The following MAP3K15 variants were observed in gnomAD, a reference collection of about 807,000 sequenced individuals.
MAP3K15 encodes the protein MAPK/ERK kinase kinase 15.
In MAP3K15, 124 loss-of-function variants were observed where a neutral mutation model predicts 99.5. The ratio of observed to expected loss-of-function variants is 1.25; its 90% CI spans 1.08 to 1.45. MAP3K15 has a LOEUF of 1.45. MAP3K15 is among the 40% of genes most tolerant of loss of function. The pLI is 0.00. For synonymous variants in MAP3K15, 494 were observed against 439.6 expected, an observed-to-expected ratio of 1.12 and a Z score of -1.55; for missense variants, 1,242 against 1,079.7, an observed-to-expected ratio of 1.15 and a Z score of -2.11.
intron 7 of MAP3K15, among the ~76,000 whole-genome samples, chrX:19,427,814 A>C (rs1432791597): frequency 9.0e-6 from 1 of 111,201 alleles, no homozygotes; most frequent in Non-Finnish European, 1.9e-5. Context: ...GTTATCATTG[A>C]AGTCAGTTAA....
chrX:19,486,528 A>G, intron 2 of MAP3K15, 23 bp from the exon 3 acceptor site: 1 of 833,579 alleles, frequency 1.2e-6, no homozygotes, highest in Non-Finnish European at 1.6e-6. Context: ...AGAAAAGATG[A>G]ATATAGCTTT....
chrX:19,465,469 G>A (rs1349754250), intron 3 of MAP3K15, among the ~76,000 whole-genome samples: 2 of 110,046 alleles, frequency 1.8e-5, no homozygotes, highest in East Asian at 2.9e-4. Context: ...ATACTGGCCA[G>A]GCGCGGTGGC....
chrX:19,392,951 G>T (rs1007561933), intron 16 of MAP3K15, among the ~76,000 whole-genome samples: 1 of 110,317 alleles, frequency 9.1e-6, no homozygotes, highest in South Asian at 3.9e-4. Context: ...CCTTTAGGGT[G>T]ACAAGGACTA....
intron 6 of MAP3K15, among the ~76,000 whole-genome samples, chrX:19,451,901 CA>C (rs745786343): frequency 2.8e-5 from 3 of 107,825 alleles, no homozygotes; most frequent in South Asian, 8.0e-4. Flanking sequence ...CCATCTCTAC[CA>C]AAAAACATTC....
chrX:19,502,412 G>GCT (rs2147425026), intron 1 of MAP3K15, among the ~76,000 whole-genome samples: 1 of 110,888 alleles, frequency 9.0e-6, no homozygotes, highest in Non-Finnish European at 1.9e-5. Flanking sequence ...TTTCCCCTGT[G>GCT]CTCTCTCTCT....
At position 19,456,913 on chromosome X, in the gene MAP3K15, C is replaced by T. The variant is rs769632326; in HGVS notation, c.995G>A (p.Arg332Lys). 8.5e-7 allele frequency: 1 copy of T among 1,173,449 alleles called. No homozygotes were observed. The highest frequency in any genetic ancestry group is 1.1e-6 in the Non-Finnish European group (1 of 872,050). The change falls in exon 6 of 29, where the codon AGG (arginine) becomes AAG (lysine). Residue 332 changes from arginine to lysine, a missense_variant and splice_region_variant. By Grantham distance (26) the Arg-to-Lys change is conservative. Coordinates refer to ENST00000338883, the MANE Select transcript of MAP3K15 (RefSeq NM_001001671.4). ...IKFHYAFALN[R>K]RNSTGDREKA... Reference sequence around the variant, plus strand: ...CCTGTACGTACATTATCGTTCTTACCTATTCAGTGCAAACGCATAGTGGAA... The same window carrying T: ...CCTGTACGTACATTATCGTTCTTACTTATTCAGTGCAAACGCATAGTGGAA...
intron 25 of MAP3K15, among the ~76,000 whole-genome samples, chrX:19,364,530 C>A (rs1202843976): frequency 3.6e-5 from 4 of 111,626 alleles, no homozygotes; most frequent in Non-Finnish European, 7.5e-5. Flanking sequence ...AACCAGAACT[C>A]CTCCCCAAAG....
intron 5 of MAP3K15, among the ~76,000 whole-genome samples, chrX:19,458,421 G>A (rs767811645): frequency 8.9e-6 from 1 of 112,524 alleles, no homozygotes; most frequent in South Asian, 3.7e-4. Flanking sequence ...GCTCACGCCT[G>A]TAATCCCAGC....
intron 9 of MAP3K15, among the ~76,000 whole-genome samples, chrX:19,416,282 G>C (rs141795502): frequency 0.019 from 2,121 of 110,532 alleles, 66 homozygotes; most frequent in African/African-American, 0.067. Context: ...AGTGAGCTGA[G>C]ATTGTGCCAC....
rs575336777 is a variant in MAP3K15, at chrX:19,372,842, G to C, written c.2934-15C>G. The C allele has an allele frequency of 1.2e-5, 14 of 1,197,247 alleles. No homozygotes were observed. Among genetic ancestry groups the C allele is most frequent in the Non-Finnish European group, 1.6e-5 (14 of 887,366 alleles). The stretch of plus-strand genomic sequence containing the variant: ...CGTCTGGAACACTGTGGACAAACAC[G>C]TGTGACAATCTCTGTGCGTGCCGGG... On this transcript the variant is annotated splice_polypyrimidine_tract_variant and intron_variant, in intron 21 of 28. Transcript: ENST00000338883.
At chrX:19,495,595 A>G (rs1218121072) in intron 1 of MAP3K15, among the ~76,000 whole-genome samples, 1 of 110,730 alleles carries the variant, frequency 9.0e-6, no homozygotes, top group Admixed American at 9.7e-5. Context: ...TGTGTCTACT[A>G]CCAGTTTTTC....
At chrX:19,454,145 C>T (rs1433326448) in intron 6 of MAP3K15, among the ~76,000 whole-genome samples, 1 of 111,994 alleles carries the variant, frequency 8.9e-6, no homozygotes, top group African/African-American at 3.2e-5. Context: ...ACACATCCAA[C>T]TGCCCTGCCA....
At chrX:19,457,889 C>T (rs1250744034) in intron 5 of MAP3K15, among the ~76,000 whole-genome samples, 1 of 111,672 alleles carries the variant, frequency 9.0e-6, no homozygotes, top group Non-Finnish European at 1.9e-5. Context: ...CACCTCATGC[C>T]CCACACACGC....
chrX:19,395,211 A>G lies in MAP3K15; in HGVS notation c.2067-3T>C, dbSNP rs181675858. On this transcript the variant is annotated splice_polypyrimidine_tract_variant and splice_region_variant and intron_variant, in intron 15 of 28. Coordinates refer to ENST00000338883, the MANE Select transcript of MAP3K15 (RefSeq NM_001001671.4). The stretch of plus-strand genomic sequence containing the variant: ...CCTCGTGCAGAGGCTGAGAATACCT[A>G]TTGGGAAAAACAGAGCCAGGGTCAC... 5.8e-6 allele frequency: 7 copies of G among 1,201,066 alleles called. No individual in the cohort carries two copies. The highest frequency in any genetic ancestry group is 7.9e-6 in the Non-Finnish European group (7 of 889,850).
intron 19 of MAP3K15, among the ~76,000 whole-genome samples, chrX:19,379,732 G>A (rs188535925): frequency 1.1e-4 from 12 of 111,102 alleles, no homozygotes; most frequent in East Asian, 2.8e-4. Flanking sequence ...GTGAGCCACC[G>A]CGCCCGGCCT....
chrX:19,397,003 G>A (rs193189003), intron 15 of MAP3K15, among the ~76,000 whole-genome samples: 3 of 108,895 alleles, frequency 2.8e-5, no homozygotes, highest in South Asian at 4.1e-4. Flanking sequence ...GGGTTCAAGC[G>A]ATTCTCGTGC....
intron 7 of MAP3K15, among the ~76,000 whole-genome samples, chrX:19,428,759 G>C (rs1446819391): frequency 2.7e-5 from 3 of 111,602 alleles, no homozygotes; most frequent in Non-Finnish European, 5.6e-5. Context: ...CTGAGGTCAG[G>C]AGTTTGAGAC....
chrX:19,405,883 C>T (rs1238388174), intron 13 of MAP3K15, among the ~76,000 whole-genome samples: 1 of 112,461 alleles, frequency 8.9e-6, no homozygotes, highest in Non-Finnish European at 1.9e-5. Flanking sequence ...TATTTTGAAA[C>T]TTTCCTATGG....
At chrX:19,506,083 C>G (rs1012860448) in intron 1 of MAP3K15, among the ~76,000 whole-genome samples, 1 of 111,322 alleles carries the variant, frequency 9.0e-6, no homozygotes, top group Non-Finnish European at 1.9e-5. Context: ...CAGGTGCCTG[C>G]CACAACGCCC....
Sources: gnomAD v4.1 joint callset for allele counts (sites outside exome capture counted in the v4.1 genomes callset) on GRCh38, gnomAD v4.1.1 for gene constraint, MANE v1.5 for transcripts, NCBI Gene and HGNC (gene_info 2026-07-23, HGNC 2026-07-21) for gene names.